Variants in SMAP1 observed in about 807,000 individuals in gnomAD.
SMAP1 encodes small ArfGAP 1.
Under a neutral mutation model 58.5 loss-of-function variants are expected in SMAP1, and 24 were observed. The ratio of observed to expected loss-of-function variants is 0.41; its 90% CI spans 0.30 to 0.58. The LOEUF (loss-of-function observed/expected upper bound fraction) is 0.58, where lower values mean the gene tolerates loss of function less well. SMAP1 is among the 20% of genes least tolerant of loss of function. The pLI, the probability that SMAP1 is intolerant of heterozygous loss-of-function variation, is 0.29. For synonymous variants in SMAP1, 216 were observed against 196.6 expected (o/e 1.10, Z -0.82); for missense variants, 563 against 566.3 (o/e 0.99, Z 0.06).
intron 4 of SMAP1, among the ~76,000 whole-genome samples, chr6:70,786,083 A>C (rs1768012332): frequency 6.6e-6 from 1 of 152,220 alleles, no homozygotes; most frequent in South Asian, 2.1e-4. Context: ...ATCCAGCAGC[A>C]CATCAAAAAG....
intron 6 of SMAP1, among the ~76,000 whole-genome samples, chr6:70,803,204 T>G (rs925109046): frequency 6.6e-6 from 1 of 152,212 alleles, no homozygotes; most frequent in Non-Finnish European, 1.5e-5. Flanking sequence ...TATTCAGAGA[T>G]TCAACTTATT....
At position 70,773,366 on chromosome 6, in the gene SMAP1, A is replaced by G. The variant is rs767057137; in HGVS notation, c.355A>G (p.Ile119Val). The G allele has an allele frequency of 1.1e-5, 17 of 1,573,578 alleles. No individual in the cohort carries two copies. The highest frequency in any genetic ancestry group is 5.7e-5 in the South Asian group (5 of 87,650). ...PQTDQAVEFF[I>V]RDKYEKKKYY... ...TGTTTTCAGAGCAGTGGAATTTTTCATCAGAGATAAATATGAAAAGAAGAA... is the reference window on the plus strand; with the variant it reads ...TGTTTTCAGAGCAGTGGAATTTTTCGTCAGAGATAAATATGAAAAGAAGAA... The change falls in exon 4 of 11, where the codon ATC becomes GTC. Residue 119 changes from isoleucine (I) to valine (V), a missense_variant. This residue lies in a region of SMAP1 where 494 missense variants were observed against 473.8 expected (regional missense o/e 1.04). Coordinates refer to ENST00000370455, the MANE Select transcript of SMAP1 (RefSeq NM_001044305.3).
chr6:70,728,201 A>T (rs891086463), intron 1 of SMAP1, among the ~76,000 whole-genome samples: 1 of 152,200 alleles, frequency 6.6e-6, no homozygotes, highest in African/African-American at 2.4e-5. Flanking sequence ...CCAAGGTTGC[A>T]GGTTCATTCC....
In SMAP1 at chr6:70,860,226, T is replaced by TATC; in HGVS notation, c.1298_1300dup (p.Ile433dup). ...TGAATCAGCAGATGGCTGGCATGAG[T>TATC]ATCAGTAGTGCAACCCCTACTGCAG... On this transcript the variant is annotated inframe_insertion, in exon 11 of 11. Transcript: ENST00000370455. 6.2e-7 allele frequency: 1 copy of TATC among 1,612,652 alleles called. No homozygotes were observed.
chr6:70,757,839 A>C (rs1367107238), intron 3 of SMAP1, among the ~76,000 whole-genome samples: 1 of 152,214 alleles, frequency 6.6e-6, no homozygotes, highest in Non-Finnish European at 1.5e-5. Flanking sequence ...CACACCAGTT[A>C]GAATGGCAAT....
intron 1 of SMAP1, among the ~76,000 whole-genome samples, chr6:70,731,297 G>A (rs1387469347): frequency 2.6e-5 from 4 of 152,116 alleles, no homozygotes; most frequent in Admixed American, 6.6e-5. Flanking sequence ...TATTATGAAA[G>A]AATATATTCA....
intron 8 of SMAP1, among the ~76,000 whole-genome samples, chr6:70,855,050 T>TCATATACATATACATATA (rs369822474): frequency 0.13 from 15,788 of 124,238 alleles, 1,276 homozygotes; most frequent in East Asian, 0.16. Flanking sequence ...TCCTGTTCTT[T>TCATATACATATACATATA]CATATACATA....
intron 1 of SMAP1, among the ~76,000 whole-genome samples, chr6:70,697,227 A>G (rs974268226): frequency 6.6e-6 from 1 of 150,712 alleles, no homozygotes; most frequent in Non-Finnish European, 1.5e-5. Context: ...TTTATATTCA[A>G]TGTTATTGAT....
chr6:70,771,107 G>A (rs527642662), intron 3 of SMAP1, among the ~76,000 whole-genome samples: 1 of 152,168 alleles, frequency 6.6e-6, no homozygotes, highest in Non-Finnish European at 1.5e-5. Flanking sequence ...CGTTCCTCTG[G>A]AAGTTTTGTC....
At chr6:70,822,178 A>C (rs192888394) in intron 6 of SMAP1, among the ~76,000 whole-genome samples, 5 of 152,210 alleles carry the variant, frequency 3.3e-5, no homozygotes, top group Admixed American at 3.3e-4. Flanking sequence ...GCTTATACTT[A>C]AGAATGTTGC....
At chr6:70,857,620 CAG>C (rs761897372) in intron 9 of SMAP1, 13 of 324,624 alleles carry the variant, frequency 4.0e-5, no homozygotes, top group Non-Finnish European at 6.3e-5. Flanking sequence ...AGCAATAAAA[CAG>C]TGTATGATGT....
intron 6 of SMAP1, among the ~76,000 whole-genome samples, chr6:70,814,443 G>T (rs1446290067): frequency 1.3e-5 from 2 of 152,092 alleles, no homozygotes; most frequent in Non-Finnish European, 2.9e-5. Context: ...CTACTATGCA[G>T]CCCTGGTTTT....
chr6:70,817,451 C>G (rs763912455), intron 6 of SMAP1, among the ~76,000 whole-genome samples: 19 of 152,074 alleles, frequency 1.2e-4, no homozygotes, highest in Non-Finnish European at 2.2e-4. Flanking sequence ...AAAATAGAGT[C>G]TTCTTTTCTG....
chr6:70,833,620 C>T (rs1391322417), intron 6 of SMAP1, among the ~76,000 whole-genome samples: 2 of 152,112 alleles, frequency 1.3e-5, no homozygotes, highest in Non-Finnish European at 2.9e-5. Context: ...AGCAGACTGT[C>T]TTTAGAGCAG....
intron 4 of SMAP1, among the ~76,000 whole-genome samples, chr6:70,773,956 A>AT (rs554272107): frequency 9.1e-4 from 138 of 152,322 alleles, no homozygotes; most frequent in Admixed American, 1.8e-3. Flanking sequence ...GACAGACTGT[A>AT]TATACAACGT....
chr6:70,754,980 T>G lies in SMAP1; in HGVS notation c.253T>G (p.Cys85Gly). Residue 85 changes from cysteine (C) to glycine (G), a missense_variant and splice_region_variant, in exon 3 of 11, where the codon TGC becomes GGC. Transcript: ENST00000370455. ...LDQWTAEQIQ[C>G]MQDMGNTKAR... is the part of the protein sequence containing the mutation. ...AATTAAAAAATTTTTTTTATTATAG[T>G]GCATGCAAGATATGGGAAATACTAA... The G allele has an allele frequency of 6.2e-7, 1 of 1,603,104 alleles. No homozygotes were observed. Among genetic ancestry groups the G allele is most frequent in the South Asian group, 1.1e-5 (1 of 89,514 alleles).
intron 3 of SMAP1, among the ~76,000 whole-genome samples, chr6:70,758,972 G>C (rs1766634856): frequency 6.6e-6 from 1 of 152,068 alleles, no homozygotes; most frequent in Admixed American, 6.6e-5. Context: ...CCATTTGGTG[G>C]CTGGAAACAT....
chr6:70,685,876 G>C (rs1766915090), intron 1 of SMAP1, among the ~76,000 whole-genome samples: 1 of 152,010 alleles, frequency 6.6e-6, no homozygotes, highest in African/African-American at 2.4e-5. Context: ...GAGAAGCCTT[G>C]GGAGAAGAGG....
chr6:70,774,944 A>C (rs1355188996), intron 4 of SMAP1, among the ~76,000 whole-genome samples: 1 of 151,746 alleles, frequency 6.6e-6, no homozygotes, highest in African/African-American at 2.4e-5. Flanking sequence ...CAGGAGGCAG[A>C]GGTTTCAGTG....
Sources: allele counts gnomAD v4.1 joint callset (sites outside exome capture counted in the v4.1 genomes callset), GRCh38; gene constraint gnomAD v4.1.1; regional missense constraint gnomAD v4.1.1; transcripts MANE v1.5; gene names NCBI Gene and HGNC (gene_info 2026-07-23, HGNC 2026-07-21).